The following SPRY3 variants were observed in gnomAD, a reference collection of about 807,000 sequenced individuals.
SPRY3 encodes the protein sprouty RTK signaling antagonist 3, also known as protein sprouty homolog 3.
Under a neutral mutation model 20.2 loss-of-function variants are expected in SPRY3, and 15 were observed. The ratio of observed to expected loss-of-function variants is 0.74; its 90% CI spans 0.50 to 1.14. The LOEUF (loss-of-function observed/expected upper bound fraction) is 1.14, where lower values mean the gene tolerates loss of function less well. Ranked by LOEUF, SPRY3 falls within the 50% of genes most tolerant of loss-of-function variation. SPRY3 has a pLI of 0.00. For missense variants in SPRY3, 364 were observed against 363.9 expected, an observed-to-expected ratio of 1.00 and a Z score of 0.00; for synonymous variants, 143 against 136.5, an observed-to-expected ratio of 1.05 and a Z score of -0.33.
rs752909380 is a variant in SPRY3 at position 155,741,581 on chromosome X, A to G, written c.-281-26381A>G. 2.6e-5 allele frequency among the ~76,000 whole-genome samples: 4 copies of G among 152,238 alleles called. No homozygotes were observed. In the East Asian group the frequency reaches 7.7e-4, roughly 29 times the overall value. Reference sequence around the variant, plus strand: ...ATTCTCCAAGGTCAAAATGAGAGAAAAAATGTAAAGGACAGCCAGAGAGAA... The same window carrying G: ...ATTCTCCAAGGTCAAAATGAGAGAAGAAATGTAAAGGACAGCCAGAGAGAA... On this transcript the variant is annotated intron_variant, in intron 2 of 3. Coordinates refer to ENST00000675360, the Ensembl canonical transcript of SPRY3.
At chrX:155,704,157 A>T (rs184046359) in intron 2 of SPRY3, among the ~76,000 whole-genome samples, 3 of 152,006 alleles carry the variant, frequency 2.0e-5, no homozygotes, top group Non-Finnish European at 4.4e-5. Context: ...ATTCCCAAAG[A>T]TACAAGAAAT....
chrX:155,767,364 C>G (rs1227899623), intron 2 of SPRY3, among the ~76,000 whole-genome samples: 1 of 152,068 alleles, frequency 6.6e-6, no homozygotes, highest in South Asian at 2.1e-4. Flanking sequence ...GAACACACTG[C>G]CAACTCACTC....
intron 2 of SPRY3, among the ~76,000 whole-genome samples, chrX:155,725,611 G>T (rs779123157): frequency 6.6e-6 from 1 of 152,270 alleles, no homozygotes; most frequent in African/African-American, 2.4e-5. Context: ...TTGTGTAGAG[G>T]TGTTTATAGT....
chrX:155,680,895 A>G lies in SPRY3; in HGVS notation c.-282+23870A>G, dbSNP rs78454675. Among the ~76,000 whole-genome samples the G allele has an allele frequency of 7.3e-4, 81 of 111,390 alleles. 1 individual carries two copies. In the East Asian group the frequency reaches 0.017, roughly 23 times the overall value. On this transcript the variant is annotated intron_variant, in intron 2 of 3. Transcript: ENST00000675360. ...GTGATCGGTGATCTTTGATGTTACTATTGTAATTATTTGGGGATGCCACTA... is the reference window on the plus strand; with the variant it reads ...GTGATCGGTGATCTTTGATGTTACTGTTGTAATTATTTGGGGATGCCACTA...
At chrX:155,682,955 T>C (rs1261242029) in intron 2 of SPRY3, among the ~76,000 whole-genome samples, 1 of 111,225 alleles carries the variant, frequency 9.0e-6, no homozygotes, top group Non-Finnish European at 1.9e-5. Context: ...AAGACTTCAG[T>C]GGAGGAAGTA....
intron 2 of SPRY3, among the ~76,000 whole-genome samples, chrX:155,733,214 C>T (rs1043836397): frequency 2.0e-5 from 3 of 151,454 alleles, no homozygotes; most frequent in African/African-American, 7.3e-5. Flanking sequence ...CTCATTTACC[C>T]TGATGTAATT....
intron 2 of SPRY3, among the ~76,000 whole-genome samples, chrX:155,664,498 A>G (rs186491239): frequency 1.8e-5 from 2 of 109,502 alleles, no homozygotes; most frequent in Admixed American, 2.0e-4. Context: ...AAAGTGTAAT[A>G]TTATAGCATA....
chrX:155,777,739 AT>A (rs2091438378), downstream of SPRY3: 1 of 158,450 alleles, frequency 6.3e-6, no homozygotes, highest in African/African-American at 2.6e-5. Flanking sequence ...TGTTTTCATT[AT>A]TTTTCTACTT....
intron 2 of SPRY3, among the ~76,000 whole-genome samples, chrX:155,736,663 GT>G (rs2091172050): frequency 6.6e-6 from 1 of 151,996 alleles, no homozygotes; most frequent in South Asian, 2.1e-4. Flanking sequence ...CTTAAGTGTA[GT>G]TTTTTGTTTG....
chrX:155,740,301 A>G (rs1475112938), intron 2 of SPRY3, among the ~76,000 whole-genome samples: 3 of 152,124 alleles, frequency 2.0e-5, no homozygotes, highest in Admixed American at 6.5e-5. Flanking sequence ...ACAGAATAAC[A>G]GCAATTTTAG....
intron 1 of SPRY3, among the ~76,000 whole-genome samples, chrX:155,614,258 G>A (rs1422863681): frequency 9.0e-6 from 1 of 111,596 alleles, no homozygotes; most frequent in Non-Finnish European, 1.9e-5. Flanking sequence ...GAGTTGGCCA[G>A]GCAAATGGGA....
chrX:155,685,679 C>T (rs1254372335), intron 2 of SPRY3, among the ~76,000 whole-genome samples: 1 of 111,525 alleles, frequency 9.0e-6, no homozygotes, highest in Non-Finnish European at 1.9e-5. Context: ...GTTTTCTTTT[C>T]CTATGTTAGT....
chrX:155,762,804 G>A (rs1227240504), intron 2 of SPRY3, among the ~76,000 whole-genome samples: 1 of 152,054 alleles, frequency 6.6e-6, no homozygotes, highest in East Asian at 1.9e-4. Context: ...GCAGTTTGGA[G>A]GTTTCTCAAA....
chrX:155,635,521 AAAAC>A (rs1462985316), intron 1 of SPRY3, among the ~76,000 whole-genome samples: 1 of 112,197 alleles, frequency 8.9e-6, no homozygotes, highest in African/African-American at 3.2e-5. Flanking sequence ...TTACATGAAA[AAAAC>A]AAACAACCCC....
chrX:155,726,703 C>G (rs1438214969), intron 2 of SPRY3, among the ~76,000 whole-genome samples: 1 of 152,090 alleles, frequency 6.6e-6, no homozygotes, highest in East Asian at 1.9e-4. Flanking sequence ...TTACTTTGAG[C>G]CTATGTGTGT....
At chrX:155,733,525 T>C (rs1304690044) in intron 2 of SPRY3, among the ~76,000 whole-genome samples, 1 of 151,952 alleles carries the variant, frequency 6.6e-6, no homozygotes, top group Non-Finnish European at 1.5e-5. Context: ...GTTCCATTTC[T>C]AGAGCATAGG....
At chrX:155,734,448 G>A (rs1160577067) in intron 2 of SPRY3, among the ~76,000 whole-genome samples, 2 of 151,884 alleles carry the variant, frequency 1.3e-5, no homozygotes, top group Admixed American at 6.6e-5. Context: ...TAATGGTAAC[G>A]TCAAAGATAA....
At chrX:155,650,716 T>C (rs1276760197) in intron 1 of SPRY3, among the ~76,000 whole-genome samples, 2 of 111,929 alleles carry the variant, frequency 1.8e-5, no homozygotes, top group Non-Finnish European at 3.8e-5. Flanking sequence ...TGCATTTAGC[T>C]GAAAGCCTTC....
At chrX:155,734,645 A>AAC (rs1049382000) in intron 2 of SPRY3, among the ~76,000 whole-genome samples, 1 of 151,300 alleles carries the variant, frequency 6.6e-6, no homozygotes, top group South Asian at 2.1e-4. Context: ...TTGAAAAAAA[A>AAC]ACACACACAC....
Sources: allele counts gnomAD v4.1 joint callset (sites outside exome capture counted in the v4.1 genomes callset), GRCh38; gene constraint gnomAD v4.1.1; transcripts MANE v1.5; gene names NCBI Gene and HGNC (gene_info 2026-07-23, HGNC 2026-07-21).